Variants in IL1R1 observed in about 807,000 individuals in gnomAD.
The protein encoded by IL1R1 is interleukin 1 receptor type 1, also known as interleukin-1 receptor type 1.
IL1R1 carries 22 observed loss-of-function variants against 50.2 expected under a neutral mutation model. That is an observed-to-expected ratio of 0.44 (90% CI 0.31 to 0.63). The LOEUF (loss-of-function observed/expected upper bound fraction) is 0.63. IL1R1 is among the 20% of genes least tolerant of loss of function. The pLI is 0.07. For synonymous variants in IL1R1, 251 were observed against 236.7 expected (o/e 1.06, Z -0.55); for missense variants, 509 against 676.2 (o/e 0.75, Z 2.74).
Position 102,155,334 on chromosome 2 carries a change from C to A in IL1R1, c.-7+1317C>A, listed in dbSNP as rs145519724. ...CTTGTCAAAAGGGGGAACTGAGGCA[C>A]GGAGGCTGAGCTTTTACTCAACATG... On this transcript the variant is annotated intron_variant, in intron 2 of 11. Coordinates refer to ENST00000410023, the MANE Select transcript of IL1R1 (RefSeq NM_000877.4). 7.4e-4 allele frequency among the ~76,000 whole-genome samples: 113 copies of A among 152,278 alleles called. 1 individual carries two copies. The East Asian group carries it at 0.02, about 28-fold the overall frequency.
intron 1 of IL1R1, among the ~76,000 whole-genome samples, chr2:102,091,477 C>T (rs1341249728): frequency 6.6e-6 from 1 of 152,074 alleles, no homozygotes; most frequent in East Asian, 1.9e-4. Context: ...GATAATGTAT[C>T]CTTTTCTTCT....
intron 1 of IL1R1, among the ~76,000 whole-genome samples, chr2:102,119,480 G>A (rs1261266104): frequency 6.6e-6 from 1 of 152,212 alleles, no homozygotes; most frequent in Non-Finnish European, 1.5e-5. Flanking sequence ...TGCAGTTGTT[G>A]CACTCATTAA....
intron 2 of IL1R1, among the ~76,000 whole-genome samples, chr2:102,155,912 T>C: frequency 6.6e-6 from 1 of 152,236 alleles, no homozygotes; most frequent in East Asian, 1.9e-4. Flanking sequence ...TTTGGAATTA[T>C]TATCTCGTGA....
chr2:102,120,829 A>C (rs1297492009), intron 1 of IL1R1, among the ~76,000 whole-genome samples: 2 of 152,214 alleles, frequency 1.3e-5, no homozygotes, highest in African/African-American at 2.4e-5. Flanking sequence ...TACCTGGAAC[A>C]CTGCCTAGTA....
At chr2:102,090,823 T>C (rs1440101263) in intron 1 of IL1R1, among the ~76,000 whole-genome samples, 2 of 152,224 alleles carry the variant, frequency 1.3e-5, no homozygotes, top group African/African-American at 4.8e-5. Context: ...TTTTTTCTCT[T>C]AATTATTAGC....
intron 1 of IL1R1, among the ~76,000 whole-genome samples, chr2:102,095,123 C>A (rs539411317): frequency 6.6e-6 from 1 of 152,204 alleles, no homozygotes; most frequent in South Asian, 2.1e-4. Context: ...TCCCCCAACA[C>A]GGTGTCCTTT....
At chr2:102,117,322 A>C (rs957180423) in intron 1 of IL1R1, among the ~76,000 whole-genome samples, 1 of 152,122 alleles carries the variant, frequency 6.6e-6, no homozygotes. Flanking sequence ...CATCCCCATG[A>C]ATGGATGAGG....
At chr2:102,161,123 G>A (rs1684689268) in intron 3 of IL1R1, among the ~76,000 whole-genome samples, 1 of 152,086 alleles carries the variant, frequency 6.6e-6, no homozygotes, top group African/African-American at 2.4e-5. Context: ...AATGCCATAA[G>A]TTTTGATATG....
At chr2:102,092,920 T>C (rs1356282867) in intron 1 of IL1R1, among the ~76,000 whole-genome samples, 1 of 152,124 alleles carries the variant, frequency 6.6e-6, no homozygotes, top group Non-Finnish European at 1.5e-5. Flanking sequence ...AAGATGTACT[T>C]AGAGAAGAAA....
At chr2:102,166,837 T>A (rs889457546) in intron 6 of IL1R1, among the ~76,000 whole-genome samples, 10 of 152,334 alleles carry the variant, frequency 6.6e-5, no homozygotes, top group African/African-American at 2.2e-4. Flanking sequence ...CTTGTGTACC[T>A]GGTGCAAAGA....
At chr2:102,153,019 A>G (rs1028101230) in intron 1 of IL1R1, among the ~76,000 whole-genome samples, 1 of 152,242 alleles carries the variant, frequency 6.6e-6, no homozygotes, top group African/African-American at 2.4e-5. Flanking sequence ...AAATACTAAA[A>G]GAAAACTGCA....
intron 7 of IL1R1, among the ~76,000 whole-genome samples, chr2:102,169,659 T>C (rs905941068): frequency 2.6e-5 from 4 of 152,234 alleles, no homozygotes; most frequent in Non-Finnish European, 4.4e-5. Flanking sequence ...TATATGCTTG[T>C]GATCTGTGAA....
At chr2:102,164,090 AG>A (rs1684959382) in intron 3 of IL1R1, among the ~76,000 whole-genome samples, 1 of 152,074 alleles carries the variant, frequency 6.6e-6, no homozygotes, top group South Asian at 2.1e-4. Context: ...TTCGTTTGGT[AG>A]TCCTCCCTCT....
At chr2:102,168,738 CT>C in intron 7 of IL1R1, 75 bp downstream of exon 7, 5 of 999,812 alleles carry the variant, frequency 5.0e-6, no homozygotes, top group Non-Finnish European at 6.1e-6. Context: ...TAAATTGTAT[CT>C]TTACTATATA....
Position 102,168,864 on chromosome 2 carries a change from T to C in IL1R1, c.721+201T>C, listed in dbSNP as rs75162942. Among the ~76,000 whole-genome samples, 1,326 of 152,222 alleles carry C rather than the reference T, an allele frequency of 8.7e-3. 22 individuals are homozygous for C. The highest frequency in any genetic ancestry group is 0.03 in the African/African-American group (1,249 of 41,536). On this transcript the variant is annotated intron_variant, in intron 7 of 11. Coordinates refer to ENST00000410023, the MANE Select transcript of IL1R1 (RefSeq NM_000877.4). ...CAAACATCTTGCCATGTCTGATATCTCCAGCCCTACTTTTCTGTGAACACT... is the reference window on the plus strand; with the variant it reads ...CAAACATCTTGCCATGTCTGATATCCCCAGCCCTACTTTTCTGTGAACACT...
chr2:102,077,977 G>A (rs2104280948), intron 1 of IL1R1, among the ~76,000 whole-genome samples: 1 of 151,922 alleles, frequency 6.6e-6, no homozygotes, highest in South Asian at 2.1e-4. Flanking sequence ...ATATCAAATG[G>A]GTCAAAGAAG....
intron 1 of IL1R1, among the ~76,000 whole-genome samples, chr2:102,109,679 G>T (rs1032617694): frequency 2.0e-5 from 3 of 152,168 alleles, no homozygotes; most frequent in Admixed American, 6.5e-5. Flanking sequence ...AATGTGAAAT[G>T]GATTTGATTT....
chr2:102,088,282 GA>G (rs1325724571), intron 1 of IL1R1, among the ~76,000 whole-genome samples: 1 of 152,156 alleles, frequency 6.6e-6, no homozygotes, highest in Non-Finnish European at 1.5e-5. Context: ...AATAAGAATT[GA>G]AAGTCAAAAT....
At chr2:102,137,480 G>C (rs764180453) in intron 1 of IL1R1, among the ~76,000 whole-genome samples, 2 of 152,186 alleles carry the variant, frequency 1.3e-5, no homozygotes, top group African/African-American at 2.4e-5. Context: ...TTGGCTGACA[G>C]CTGGGGCTGT....
Sources: gnomAD v4.1 joint callset for allele counts (sites outside exome capture counted in the v4.1 genomes callset) on GRCh38, gnomAD v4.1.1 for gene constraint, MANE v1.5 for transcripts, NCBI Gene and HGNC (gene_info 2026-07-23, HGNC 2026-07-21) for gene names.